The following STPG2 variants were observed in gnomAD, a reference collection of about 807,000 sequenced individuals.
The protein encoded by STPG2 is sperm tail PG-rich repeat containing 2.
STPG2 carries 56 observed loss-of-function variants against 54.2 expected under a neutral mutation model. The ratio of observed to expected loss-of-function variants is 1.03; its 90% CI spans 0.83 to 1.29. The LOEUF is 1.29. Among genes scored for constraint, STPG2 ranks in the 50% most tolerant of loss-of-function variants. STPG2 has a pLI of 0.00. For synonymous variants in STPG2, 200 were observed against 181.8 expected (o/e 1.10, Z -0.81); for missense variants, 596 against 544.9 (o/e 1.09, Z -0.93).
At chr4:97,455,679 C>T (rs1238921219) in intron 4 of STPG2, among the ~76,000 whole-genome samples, 1 of 152,190 alleles carries the variant, frequency 6.6e-6, no homozygotes, top group South Asian at 2.1e-4. Flanking sequence ...TCTTCCAGTA[C>T]ACCAAGGCAA....
intron 10 of STPG2, among the ~76,000 whole-genome samples, chr4:97,585,585 G>T (rs1021886908): frequency 2.6e-5 from 4 of 151,926 alleles, no homozygotes; most frequent in African/African-American, 7.2e-5. Flanking sequence ...AAGTTTTCTA[G>T]ATCTTTCAGA....
intron 9 of STPG2, among the ~76,000 whole-genome samples, chr4:97,742,604 A>G (rs1725295440): frequency 6.7e-6 from 1 of 149,836 alleles, no homozygotes; most frequent in South Asian, 2.1e-4. Context: ...CTTTAAAAAG[A>G]TCTTACCTTT....
chr4:97,523,844 C>T (rs1433969643), intron 4 of STPG2, among the ~76,000 whole-genome samples: 1 of 151,850 alleles, frequency 6.6e-6, no homozygotes, highest in Non-Finnish European at 1.5e-5. Flanking sequence ...CAAAACAATG[C>T]CAAATAAATA....
At chr4:97,801,568 T>C (rs879416370) in intron 9 of STPG2, among the ~76,000 whole-genome samples, 2 of 152,194 alleles carry the variant, frequency 1.3e-5, no homozygotes, top group Non-Finnish European at 2.9e-5. Flanking sequence ...TAGGGCAGTA[T>C]TTTGGCCAAT....
At chr4:97,841,037 A>C (rs1728788255) in intron 8 of STPG2, 105 bp from the exon 9 acceptor site, 1 of 1,065,982 alleles carries the variant, frequency 9.4e-7, no homozygotes, top group Non-Finnish European at 1.3e-6. Flanking sequence ...AAAAATCCTA[A>C]TACTTTTATT....
chr4:97,729,829 C>T (rs999191547), intron 9 of STPG2, among the ~76,000 whole-genome samples: 1 of 151,844 alleles, frequency 6.6e-6, no homozygotes, highest in Non-Finnish European at 1.5e-5. Flanking sequence ...TTTAAAGTGC[C>T]TTTTTTTCCT....
chr4:97,850,709 A>C (rs1423102396), intron 8 of STPG2, among the ~76,000 whole-genome samples: 1 of 152,154 alleles, frequency 6.6e-6, no homozygotes, highest in Non-Finnish European at 1.5e-5. Context: ...TCTTTTCTGA[A>C]AGCCTAATCT....
chr4:97,836,543 G>T (rs1480830239), intron 9 of STPG2, among the ~76,000 whole-genome samples: 1 of 151,654 alleles, frequency 6.6e-6, no homozygotes, highest in Non-Finnish European at 1.5e-5. Flanking sequence ...TACTGCAGTG[G>T]TATGTAACCA....
intron 9 of STPG2, among the ~76,000 whole-genome samples, chr4:97,714,796 A>C (rs942228775): frequency 2.6e-5 from 4 of 152,142 alleles, no homozygotes; most frequent in Non-Finnish European, 5.9e-5. Context: ...ATAGTCAGTT[A>C]ATTGAAAATT....
chr4:98,067,651 T>C (rs1737875117), intron 5 of STPG2, among the ~76,000 whole-genome samples: 1 of 152,168 alleles, frequency 6.6e-6, no homozygotes, highest in Admixed American at 6.6e-5. Context: ...GAAAGAACTC[T>C]CACCCAGATA....
At chr4:97,865,177 T>G (rs1207245182) in intron 8 of STPG2, among the ~76,000 whole-genome samples, 1 of 151,906 alleles carries the variant, frequency 6.6e-6, no homozygotes, top group African/African-American at 2.4e-5. Flanking sequence ...GGGAGAAAAT[T>G]TTTGCAATCT....
At chr4:97,480,315 C>G (rs1334911593) in intron 4 of STPG2, among the ~76,000 whole-genome samples, 4 of 151,492 alleles carry the variant, frequency 2.6e-5, no homozygotes, top group Non-Finnish European at 5.9e-5. Flanking sequence ...CCGGTTTACC[C>G]ATTTAAAAAA....
intron 9 of STPG2, among the ~76,000 whole-genome samples, chr4:97,783,965 G>A (rs984745964): frequency 5.3e-5 from 8 of 151,646 alleles, no homozygotes; most frequent in Non-Finnish European, 8.8e-5. Context: ...CATACCTAAT[G>A]TAAATGACGA....
intron 4 of STPG2, among the ~76,000 whole-genome samples, chr4:97,502,865 C>A (rs1730755181): frequency 6.6e-6 from 1 of 151,952 alleles, no homozygotes. Context: ...TCACTGTTTT[C>A]TTGCCCCTTA....
chr4:97,873,887 C>CT (rs1730080695), intron 8 of STPG2, among the ~76,000 whole-genome samples: 1 of 151,278 alleles, frequency 6.6e-6, no homozygotes, highest in Non-Finnish European at 1.5e-5. Flanking sequence ...TTCACAGCAC[C>CT]TTTTTATTTT....
chr4:97,565,540 C>T (rs1732406529), intron 10 of STPG2, among the ~76,000 whole-genome samples: 2 of 152,086 alleles, frequency 1.3e-5, no homozygotes, highest in African/African-American at 4.8e-5. Context: ...TTTTCCTGCT[C>T]TGTTTTTTCC....
chr4:97,710,391 A>G (rs1376716257), intron 10 of STPG2, among the ~76,000 whole-genome samples: 1 of 152,098 alleles, frequency 6.6e-6, no homozygotes, highest in Admixed American at 6.5e-5. Context: ...CATTACAAAT[A>G]TAGGTGTACA....
intron 5 of STPG2, among the ~76,000 whole-genome samples, chr4:98,086,473 C>G (rs1036605988): frequency 4.6e-5 from 7 of 151,878 alleles, no homozygotes; most frequent in Admixed American, 3.3e-4. Flanking sequence ...TAAGATTTAG[C>G]AAATTTTAAA....
At chr4:98,129,364 C>G (rs1739918978) in intron 2 of STPG2, among the ~76,000 whole-genome samples, 2 of 152,094 alleles carry the variant, frequency 1.3e-5, no homozygotes, top group Admixed American at 1.3e-4. Context: ...TTCCACATTT[C>G]CTGAGTCTTG....
Sources: gnomAD v4.1 joint callset for allele counts (sites outside exome capture counted in the v4.1 genomes callset) on GRCh38, gnomAD v4.1.1 for gene constraint, MANE v1.5 for transcripts, NCBI Gene and HGNC (gene_info 2026-07-23, HGNC 2026-07-21) for gene names.